CNTN5: variants seen among roughly 807,000 people sequenced by gnomAD.
CNTN5 encodes contactin 5, also known as contactin-5.
Under a neutral mutation model 129.1 loss-of-function variants are expected in CNTN5, and 77 were observed. That is an observed-to-expected ratio of 0.60 (90% CI 0.50 to 0.72). CNTN5 has a LOEUF of 0.72. CNTN5 is among the 30% of genes least tolerant of loss of function. The pLI, the probability that CNTN5 is intolerant of heterozygous loss-of-function variation, is 0.00. For synonymous variants in CNTN5, 509 were observed against 465.6 expected (o/e 1.09, Z -1.20); for missense variants, 1,478 against 1,328.8 (o/e 1.11, Z -1.75).
intron 17 of CNTN5, among the ~76,000 whole-genome samples, chr11:100,256,774 T>C (rs781479092): frequency 1.3e-5 from 2 of 151,928 alleles, no homozygotes; most frequent in African/African-American, 4.8e-5. Context: ...CCAGCCCAGA[T>C]ACTACACTTT....
At chr11:100,152,372 T>C (rs1055817846) in intron 13 of CNTN5, among the ~76,000 whole-genome samples, 11 of 152,130 alleles carry the variant, frequency 7.2e-5, no homozygotes, top group African/African-American at 2.4e-4. Context: ...TCTGGTCCCC[T>C]GACTCCCTGT....
intron 3 of CNTN5, among the ~76,000 whole-genome samples, chr11:99,622,224 C>T (rs1012823144): frequency 6.6e-6 from 1 of 152,088 alleles, no homozygotes; most frequent in South Asian, 2.1e-4. Flanking sequence ...GACTGTTCCC[C>T]TAATTTTGTT....
At chr11:99,697,884 C>T (rs1255283710) in intron 3 of CNTN5, among the ~76,000 whole-genome samples, 2 of 151,572 alleles carry the variant, frequency 1.3e-5, no homozygotes, top group African/African-American at 4.8e-5. Flanking sequence ...TCATGGGGAC[C>T]CTGATTACAA....
chr11:99,833,897 G>C (rs11221557), intron 4 of CNTN5, among the ~76,000 whole-genome samples: 19,145 of 152,042 alleles, frequency 0.13, 1,701 homozygotes, highest in East Asian at 0.43. Context: ...AGACATTTGT[G>C]GGGGTAGTCT....
chr11:99,699,353 A>G (rs536521865), intron 3 of CNTN5, among the ~76,000 whole-genome samples: 174 of 151,672 alleles, frequency 1.1e-3, no homozygotes, highest in Non-Finnish European at 2.2e-3. Flanking sequence ...ATCTAAAAGT[A>G]TATGTCCTAA....
chr11:99,023,527 T>G (rs745573169), intron 1 of CNTN5, among the ~76,000 whole-genome samples: 4 of 152,158 alleles, frequency 2.6e-5, no homozygotes, highest in Non-Finnish European at 5.9e-5. Flanking sequence ...AAGGCATAAT[T>G]TGTGAAGATT....
At chr11:99,081,322 A>G (rs917887853) in intron 1 of CNTN5, among the ~76,000 whole-genome samples, 4 of 152,186 alleles carry the variant, frequency 2.6e-5, no homozygotes, top group African/African-American at 9.6e-5. Context: ...TCATTAATTT[A>G]ACAAAGAAAT....
At chr11:99,447,147 C>A (rs777818987) in intron 2 of CNTN5, among the ~76,000 whole-genome samples, 1 of 152,144 alleles carries the variant, frequency 6.6e-6, no homozygotes, top group Non-Finnish European at 1.5e-5. Context: ...ATTACTTAAA[C>A]TCTGAACTTC....
At position 100,188,368 on chromosome 11, in the gene CNTN5, T is replaced by C. The variant is rs12295235; in HGVS notation, c.1581-2758T>C. Among the ~76,000 whole-genome samples, 852 of 152,060 alleles carry C rather than the reference T, an allele frequency of 5.6e-3. 11 individuals carry two copies. The highest frequency in any genetic ancestry group is 0.019 in the African/African-American group (788 of 41,470). On this transcript the variant is annotated intron_variant, in intron 13 of 24. Transcript: ENST00000524871. ...GAGGATCCCTTGCATCCCCCAGAGG[T>C]TGAGGCTGCAGCGAGCTGTGATTGC...
intron 13 of CNTN5, among the ~76,000 whole-genome samples, chr11:100,123,242 T>C (rs1376606793): frequency 6.6e-6 from 1 of 152,028 alleles, no homozygotes; most frequent in East Asian, 1.9e-4. Flanking sequence ...TCCATCACAA[T>C]TTCTACCCTT....
At chr11:99,318,419 T>C (rs553321568) in intron 1 of CNTN5, among the ~76,000 whole-genome samples, 32 of 152,334 alleles carry the variant, frequency 2.1e-4, no homozygotes, top group African/African-American at 7.5e-4. Context: ...AATGTCAGAA[T>C]ATTTTTCTTT....
chr11:99,724,785 A>T (rs2135052693), intron 3 of CNTN5, among the ~76,000 whole-genome samples: 1 of 152,318 alleles, frequency 6.6e-6, no homozygotes, highest in East Asian at 1.9e-4. Flanking sequence ...CAGCAGGAAG[A>T]CTAAAGGAGT....
intron 18 of CNTN5, among the ~76,000 whole-genome samples, chr11:100,292,808 T>G (rs1288517145): frequency 6.6e-6 from 1 of 151,940 alleles, no homozygotes; most frequent in African/African-American, 2.4e-5. Flanking sequence ...CGAGACTAGT[T>G]TTCTTCAGCC....
chr11:99,467,188 A>G (rs1426119581), intron 2 of CNTN5, among the ~76,000 whole-genome samples: 2 of 152,096 alleles, frequency 1.3e-5, no homozygotes, highest in Non-Finnish European at 2.9e-5. Flanking sequence ...CTGATATAAA[A>G]CAAAACTTTA....
intron 1 of CNTN5, among the ~76,000 whole-genome samples, chr11:99,231,676 T>A (rs912346544): frequency 6.6e-6 from 1 of 152,194 alleles, no homozygotes; most frequent in African/African-American, 2.4e-5. Context: ...TGTCAACTTT[T>A]GTTTTGTTGC....
chr11:99,612,341 A>T (rs1303550557), intron 3 of CNTN5, among the ~76,000 whole-genome samples: 1 of 152,260 alleles, frequency 6.6e-6, no homozygotes, highest in Admixed American at 6.5e-5. Context: ...AGGCTGTCTC[A>T]CTTATCACCT....
At chr11:99,026,070 G>T (rs895538780) in intron 1 of CNTN5, among the ~76,000 whole-genome samples, 1 of 151,436 alleles carries the variant, frequency 6.6e-6, no homozygotes, top group Non-Finnish European at 1.5e-5. Flanking sequence ...TAATATTATT[G>T]GAAGTTACAG....
intron 13 of CNTN5, among the ~76,000 whole-genome samples, chr11:100,140,929 A>G (rs1490886177): frequency 6.6e-6 from 1 of 152,156 alleles, no homozygotes; most frequent in Admixed American, 6.6e-5. Flanking sequence ...GAGAAGCAAG[A>G]AAGTCCCCCA....
intron 6 of CNTN5, among the ~76,000 whole-genome samples, chr11:99,885,043 G>C (rs536276373): frequency 1.3e-5 from 2 of 152,120 alleles, no homozygotes; most frequent in African/African-American, 2.4e-5. Context: ...AGCACTCTGG[G>C]GGGGTGAGGA....
Sources: gnomAD v4.1 joint callset for allele counts (sites outside exome capture counted in the v4.1 genomes callset) on GRCh38, gnomAD v4.1.1 for gene constraint, MANE v1.5 for transcripts, NCBI Gene and HGNC (gene_info 2026-07-23, HGNC 2026-07-21) for gene names.